Variants in ZFHX3 observed in about 807,000 individuals in gnomAD.
ZFHX3 encodes zinc finger homeobox protein 3.
Under a neutral mutation model 279.1 loss-of-function variants are expected in ZFHX3, and 42 were observed. The ratio of observed to expected loss-of-function variants is 0.15; its 90% CI spans 0.12 to 0.19. ZFHX3 has a LOEUF of 0.19. Ranked by LOEUF, ZFHX3 falls within the 10% of genes least tolerant of loss-of-function variation. The pLI is 1.00. For missense variants in ZFHX3, 4,981 were observed against 4,754.0 expected, an observed-to-expected ratio of 1.05 and a Z score of -1.40; for synonymous variants, 2,293 against 1,957.8, an observed-to-expected ratio of 1.17 and a Z score of -4.52.
chr16:72,959,563 T>C lies in ZFHX3; in HGVS notation c.583A>G (p.Ile195Val), dbSNP rs1418846113. The change falls in exon 2 of 10, where the codon ATC (isoleucine) becomes GTC (valine). Residue 195 changes from isoleucine to valine, a missense_variant. This residue lies in a region of ZFHX3 where 1,068 missense variants were observed against 935.2 expected (regional missense o/e 1.14). Transcript: ENST00000268489. ...SCAAPVYPQI[I>V]NTFHIASSFG... ...GATGAGGCTATGTGGAAAGTGTTGA[T>C]GATCTGCGGGTACACGGGTGCAGCA... is the stretch of plus-strand genomic sequence containing the variant. 6.2e-7 allele frequency: 1 copy of C among 1,614,246 alleles called. No homozygotes were observed.
chr16:72,874,146 C>T (rs745840451), intron 4 of ZFHX3, among the ~76,000 whole-genome samples: 1 of 150,726 alleles, frequency 6.6e-6, no homozygotes, highest in African/African-American at 2.4e-5. Context: ...GACGCATGCA[C>T]TCTCACCAGC....
At chr16:73,833,733 T>A (rs555087783) in intron 1 of ZFHX3, among the ~76,000 whole-genome samples, 1 of 151,640 alleles carries the variant, frequency 6.6e-6, no homozygotes, top group South Asian at 2.1e-4. Context: ...TGCACATGTA[T>A]CCCAGAACTG....
chr16:73,860,960 A>T (rs1157089608), intron 1 of ZFHX3, among the ~76,000 whole-genome samples: 1 of 151,278 alleles, frequency 6.6e-6, no homozygotes, highest in African/African-American at 2.4e-5. Flanking sequence ...GATGGAAATA[A>T]CACTGCTTGT....
chr16:73,221,222 G>C (rs2012408011), intron 5 of ZFHX3, among the ~76,000 whole-genome samples: 1 of 151,964 alleles, frequency 6.6e-6, no homozygotes, highest in South Asian at 2.1e-4. Context: ...TATTTTTTCT[G>C]CTTACAAATG....
chr16:73,104,491 A>G (rs1966270164), intron 7 of ZFHX3, among the ~76,000 whole-genome samples: 1 of 152,096 alleles, frequency 6.6e-6, no homozygotes, highest in African/African-American at 2.4e-5. Context: ...CAGCCTCCCA[A>G]AGTGCTGGGA....
chr16:73,316,051 G>A (rs2015440316), intron 4 of ZFHX3, among the ~76,000 whole-genome samples: 1 of 152,158 alleles, frequency 6.6e-6, no homozygotes, highest in Non-Finnish European at 1.5e-5. Context: ...CATGGGGAGA[G>A]GCTCTCAGAG....
intron 2 of ZFHX3, among the ~76,000 whole-genome samples, chr16:73,484,401 C>T (rs1234950194): frequency 6.6e-6 from 1 of 152,068 alleles, no homozygotes. Context: ...GAACTCATGC[C>T]GAAAAGGTTT....
intron 7 of ZFHX3, chr16:73,127,348 TA>T: frequency 1.5e-6 from 2 of 1,304,994 alleles, no homozygotes; most frequent in Non-Finnish European, 2.0e-6. Context: ...GGAAAGCCGA[TA>T]AAAAGTCAAT....
chr16:73,052,192 T>C (rs1965463449), upstream of ZFHX3, among the ~76,000 whole-genome samples: 1 of 150,684 alleles, frequency 6.6e-6, no homozygotes, highest in African/African-American at 2.5e-5. Flanking sequence ...GATGGGATAC[T>C]GCCTGTTTAT....
intron 3 of ZFHX3, among the ~76,000 whole-genome samples, chr16:73,374,082 A>G (rs1261540838): frequency 6.6e-6 from 1 of 152,210 alleles, no homozygotes; most frequent in Non-Finnish European, 1.5e-5. Flanking sequence ...CAGGTCCATC[A>G]GAATCACCTA....
chr16:73,738,155 G>C (rs931651230), intron 1 of ZFHX3, among the ~76,000 whole-genome samples: 4 of 152,214 alleles, frequency 2.6e-5, no homozygotes, highest in Admixed American at 2.0e-4. Flanking sequence ...ATCCCTGTAA[G>C]TTTGGGGACC....
chr16:73,587,127 C>T (rs112494140), intron 2 of ZFHX3, among the ~76,000 whole-genome samples: 90 of 152,242 alleles, frequency 5.9e-4, no homozygotes, highest in African/African-American at 2.1e-3. Context: ...GAAGAACTGG[C>T]TCTCAAAGGC....
chr16:73,556,541 C>T (rs1028426247), intron 2 of ZFHX3, among the ~76,000 whole-genome samples: 5 of 152,088 alleles, frequency 3.3e-5, no homozygotes, highest in East Asian at 3.9e-4. Flanking sequence ...GAGCTCTGGA[C>T]GGCACCAAAG....
At chr16:73,474,735 T>C (rs1186557291) in intron 2 of ZFHX3, among the ~76,000 whole-genome samples, 2 of 152,178 alleles carry the variant, frequency 1.3e-5, no homozygotes, top group Admixed American at 1.3e-4. Flanking sequence ...ACCCTGACTT[T>C]AGTCTCATTC....
chr16:73,711,044 G>A (rs555322684), intron 1 of ZFHX3, among the ~76,000 whole-genome samples: 1 of 152,312 alleles, frequency 6.6e-6, no homozygotes, highest in Admixed American at 6.5e-5. Context: ...AGCTAATTGT[G>A]AAAGGAATTT....
At chr16:73,201,829 A>G (rs747174439) in intron 5 of ZFHX3, among the ~76,000 whole-genome samples, 16 of 152,254 alleles carry the variant, frequency 1.1e-4, no homozygotes, top group Non-Finnish European at 1.9e-4. Flanking sequence ...AATACCAAAC[A>G]AAGAGCTAGA....
At chr16:73,377,905 C>A (rs867503605) in intron 3 of ZFHX3, among the ~76,000 whole-genome samples, 2 of 151,066 alleles carry the variant, frequency 1.3e-5, no homozygotes, top group Non-Finnish European at 3.0e-5. Flanking sequence ...TGGTGCCGAG[C>A]GCCTGTAGTC....
intron 1 of ZFHX3, among the ~76,000 whole-genome samples, chr16:73,027,210 G>A (rs1567639790): frequency 6.6e-6 from 1 of 152,220 alleles, no homozygotes; most frequent in Non-Finnish European, 1.5e-5. Context: ...ACATGTGTTG[G>A]GTCGGAACTG....
At chr16:73,041,229 T>C (rs1174313417) in intron 1 of ZFHX3, among the ~76,000 whole-genome samples, 1 of 152,182 alleles carries the variant, frequency 6.6e-6, no homozygotes, top group Admixed American at 6.5e-5. Flanking sequence ...GGATTTCCTC[T>C]GTCACCCAAT....
Sources: allele counts gnomAD v4.1 joint callset (sites outside exome capture counted in the v4.1 genomes callset), GRCh38; gene constraint gnomAD v4.1.1; regional missense constraint gnomAD v4.1.1; transcripts MANE v1.5; gene names NCBI Gene and HGNC (gene_info 2026-07-23, HGNC 2026-07-21).